The following ST6GALNAC3 variants were observed in gnomAD, a reference collection of about 807,000 sequenced individuals.
ST6GALNAC3 encodes the protein ST6 N-acetylgalactosaminide alpha-2,6-sialyltransferase 3, also known as alpha-N-acetylgalactosaminide alpha-2,6-sialyltransferase 3.
A neutral mutation model predicts 32.7 loss-of-function variants in ST6GALNAC3; 25 were observed. That is an observed-to-expected ratio of 0.76 (90% CI 0.56 to 1.07). ST6GALNAC3 has a LOEUF of 1.07. Ranked by LOEUF, ST6GALNAC3 falls within the 50% of genes least tolerant of loss-of-function variation. ST6GALNAC3 has a pLI of 0.00. For synonymous variants in ST6GALNAC3, 129 were observed against 133.1 expected (o/e 0.97, Z 0.21); for missense variants, 355 against 382.4 (o/e 0.93, Z 0.60).
chr1:76,466,073 AT>A (rs1284314827), intron 3 of ST6GALNAC3, among the ~76,000 whole-genome samples: 1 of 152,124 alleles, frequency 6.6e-6, no homozygotes, highest in African/African-American at 2.4e-5. Flanking sequence ...ATAAAAATAA[AT>A]TGTGTCATAA....
intron 2 of ST6GALNAC3, among the ~76,000 whole-genome samples, chr1:76,346,490 GA>G (rs1648525158): frequency 6.6e-6 from 1 of 152,194 alleles, no homozygotes; most frequent in Non-Finnish European, 1.5e-5. Flanking sequence ...AGCAAGACAG[GA>G]CTATAAGGCA....
At position 76,558,296 on chromosome 1, in the gene ST6GALNAC3, C is replaced by T. The variant is rs1235847164; in HGVS notation, c.624-69156C>T. Reference sequence around the variant, plus strand: ...CTACCAAATGACACCTGCACTCATACGTTCATCACAGCACTATTCACAATA... The same window carrying T: ...CTACCAAATGACACCTGCACTCATATGTTCATCACAGCACTATTCACAATA... On this transcript the variant is annotated intron_variant, in intron 3 of 4. Coordinates refer to ENST00000328299, the MANE Select transcript of ST6GALNAC3 (RefSeq NM_152996.4). Among the ~76,000 whole-genome samples the T allele has an allele frequency of 5.3e-5, 8 of 152,062 alleles. 1 individual carries two copies. The highest frequency in any genetic ancestry group is 1.9e-4 in the East Asian group (1 of 5,184).
chr1:76,371,283 G>C (rs72675997), intron 2 of ST6GALNAC3, among the ~76,000 whole-genome samples: 2 of 152,200 alleles, frequency 1.3e-5, no homozygotes, highest in Non-Finnish European at 2.9e-5. Flanking sequence ...TATTTTAATG[G>C]CATCATTATA....
intron 3 of ST6GALNAC3, among the ~76,000 whole-genome samples, chr1:76,598,714 T>G (rs1647175477): frequency 6.6e-6 from 1 of 151,432 alleles, no homozygotes; most frequent in South Asian, 2.1e-4. Context: ...CACTGCTCAC[T>G]TCTGCCATAA....
rs5775324 is a variant in ST6GALNAC3, at chr1:76,107,297, CTTT to C, written c.18+32428_18+32430del. 6.3e-3 allele frequency among the ~76,000 whole-genome samples: 868 copies of C among 137,692 alleles called. 10 individuals are homozygous for C. Among genetic ancestry groups the C allele is most frequent in the African/African-American group, 0.02 (758 of 37,940 alleles). The allele number at this position is 137,692 out of a possible 152,430, so 90.3% of individuals were successfully genotyped here. A position where few individuals can be genotyped will look rare whatever the true frequency, so the allele number is the denominator to read the frequency against. ...ATGTTATTCTTTAAACACACTTTTG[CTTT>C]TTTTTTTTTTTTTTATAATAATCAG... is the stretch of plus-strand genomic sequence containing the variant. On this transcript the variant is annotated intron_variant, in intron 1 of 4. Coordinates refer to ENST00000328299, the MANE Select transcript of ST6GALNAC3 (RefSeq NM_152996.4).
At chr1:76,290,142 C>T (rs1226328950) in intron 1 of ST6GALNAC3, among the ~76,000 whole-genome samples, 1 of 152,192 alleles carries the variant, frequency 6.6e-6, no homozygotes, top group African/African-American at 2.4e-5. Flanking sequence ...AGTAAAAATG[C>T]CCCATGAGCC....
At chr1:76,401,481 G>A (rs556491485) in intron 2 of ST6GALNAC3, among the ~76,000 whole-genome samples, 271 of 152,152 alleles carry the variant, frequency 1.8e-3, no homozygotes, top group African/African-American at 5.5e-3. Flanking sequence ...CTGTAATTCC[G>A]TATGTGGAGA....
In ST6GALNAC3 at chr1:76,629,277, A is replaced by G. The variant is rs1649171311; in HGVS notation, c.*471A>G. On this transcript the variant is annotated 3_prime_UTR_variant, in exon 5 of 5. Coordinates refer to ENST00000328299, the MANE Select transcript of ST6GALNAC3 (RefSeq NM_152996.4). ...GTCAAACACTGACCCAAGAACTGCTATCAGGGTGCAAGTATCTTACTACTT... is the reference window on the plus strand; with the variant it reads ...GTCAAACACTGACCCAAGAACTGCTGTCAGGGTGCAAGTATCTTACTACTT... 1.0e-6 allele frequency: 1 copy of G among 989,352 alleles called. No individual in the cohort carries two copies. The highest frequency in any genetic ancestry group is 1.2e-6 in the Non-Finnish European group (1 of 832,994). The allele number at this position is 989,352 out of a possible 1,614,324, so 61.3% of individuals were successfully genotyped here. A position where few individuals can be genotyped will look rare whatever the true frequency, so the allele number is the denominator to read the frequency against.
chr1:76,201,511 C>T (rs192950974), intron 1 of ST6GALNAC3, among the ~76,000 whole-genome samples: 37 of 152,240 alleles, frequency 2.4e-4, no homozygotes, highest in African/African-American at 7.9e-4. Flanking sequence ...CAAACCATAT[C>T]ACGTTGGAAA....
intron 3 of ST6GALNAC3, among the ~76,000 whole-genome samples, chr1:76,607,334 A>C (rs1023770235): frequency 7.2e-5 from 11 of 152,112 alleles, no homozygotes; most frequent in Non-Finnish European, 1.2e-4. Context: ...ATGTAGGTAG[A>C]ATTTATTAAA....
chr1:76,513,233 C>A (rs111522331), intron 3 of ST6GALNAC3, among the ~76,000 whole-genome samples: 222 of 152,190 alleles, frequency 1.5e-3, no homozygotes, highest in Non-Finnish European at 2.8e-3. Context: ...AGCATTCCCC[C>A]TATGTTTTCT....
At chr1:76,419,045 GCA>G (rs147952829) in intron 3 of ST6GALNAC3, among the ~76,000 whole-genome samples, 2,642 of 148,680 alleles carry the variant, frequency 0.018, 69 homozygotes, top group African/African-American at 0.054. Flanking sequence ...ACCCTCATGT[GCA>G]CACACACACA....
chr1:76,574,349 A>G lies in ST6GALNAC3; in HGVS notation c.624-53103A>G, dbSNP rs114059651. Reference sequence around the variant, plus strand: ...TTATTTAAGTCTGCATGTAGAATTTATCACCACTTAAGTAGAATCTATTAG... The same window carrying G: ...TTATTTAAGTCTGCATGTAGAATTTGTCACCACTTAAGTAGAATCTATTAG... On this transcript the variant is annotated intron_variant, in intron 3 of 4. Transcript: ENST00000328299. Among the ~76,000 whole-genome samples the G allele has an allele frequency of 3.8e-3, 576 of 152,200 alleles. 2 individuals are homozygous for G. Among genetic ancestry groups the G allele is most frequent in the African/African-American group, 0.013 (544 of 41,554 alleles).
At chr1:76,434,926 G>T (rs942148925) in intron 3 of ST6GALNAC3, among the ~76,000 whole-genome samples, 7 of 151,676 alleles carry the variant, frequency 4.6e-5, no homozygotes, top group African/African-American at 1.7e-4. Context: ...GAGTAGCTGG[G>T]ACTACAGGCA....
chr1:76,606,218 A>G (rs1647535969), intron 3 of ST6GALNAC3, among the ~76,000 whole-genome samples: 1 of 152,204 alleles, frequency 6.6e-6, no homozygotes, highest in African/African-American at 2.4e-5. Flanking sequence ...ATTACTGGGT[A>G]TATACCCAAA....
chr1:76,313,721 GAGA>G (rs780552756), intron 1 of ST6GALNAC3, 81 bp from the exon 2 acceptor site: 1 of 1,382,232 alleles, frequency 7.2e-7, no homozygotes, highest in African/African-American at 1.4e-5. Context: ...GAAAGAAAAA[GAGA>G]AGAATAAAGG....
intron 3 of ST6GALNAC3, among the ~76,000 whole-genome samples, chr1:76,459,265 A>G (rs150736180): frequency 3.3e-5 from 5 of 152,274 alleles, no homozygotes; most frequent in African/African-American, 1.2e-4. Context: ...GTATACAGAG[A>G]AATATGGAGA....
chr1:76,571,951 C>G (rs1665887256), intron 3 of ST6GALNAC3, among the ~76,000 whole-genome samples: 1 of 151,982 alleles, frequency 6.6e-6, no homozygotes, highest in Non-Finnish European at 1.5e-5. Context: ...AAAATTATTG[C>G]CCTTTTGAGA....
At chr1:76,121,122 C>T (rs1453779882) in intron 1 of ST6GALNAC3, among the ~76,000 whole-genome samples, 1 of 152,226 alleles carries the variant, frequency 6.6e-6, no homozygotes, top group East Asian at 1.9e-4. Flanking sequence ...GACAATCCCC[C>T]CATCTCAAGA....
Sources: gnomAD v4.1 joint callset for allele counts (sites outside exome capture counted in the v4.1 genomes callset) on GRCh38, gnomAD v4.1.1 for gene constraint, MANE v1.5 for transcripts, NCBI Gene and HGNC (gene_info 2026-07-23, HGNC 2026-07-21) for gene names.